VASH2: variants seen among roughly 807,000 people sequenced by gnomAD.
VASH2 encodes the protein tubulinyl-Tyr carboxypeptidase 2.
VASH2 carries 28 observed loss-of-function variants against 37.2 expected under a neutral mutation model. The ratio of observed to expected loss-of-function variants is 0.75; its 90% CI spans 0.56 to 1.03. The LOEUF is 1.03. Ranked by LOEUF, VASH2 falls within the 50% of genes least tolerant of loss-of-function variation. VASH2 has a pLI of 0.00. For synonymous variants in VASH2, 188 were observed against 174.7 expected (o/e 1.08, Z -0.60); for missense variants, 419 against 459.1 (o/e 0.91, Z 0.80).
chr1:212,973,674 A>G (rs1667079241), intron 6 of VASH2: 2 of 1,255,804 alleles, frequency 1.6e-6, no homozygotes, highest in Admixed American at 6.7e-5. Context: ...CCCCGGGGAG[A>G]CTGAGGCATT....
intron 2 of VASH2, among the ~76,000 whole-genome samples, chr1:212,956,166 C>G (rs1666482634): frequency 6.6e-6 from 1 of 152,256 alleles, no homozygotes; most frequent in Non-Finnish European, 1.5e-5. Context: ...AGTTACACAA[C>G]TGTCCATCCG....
chr1:212,965,850 C>T, intron 4 of VASH2, 72 bp downstream of exon 4: 2 of 1,419,774 alleles, frequency 1.4e-6, no homozygotes, highest in Non-Finnish European at 1.9e-6. Flanking sequence ...CTCTCCCAAC[C>T]TCTATTCCCG....
At chr1:212,963,724 A>G (rs1379213177) in intron 3 of VASH2, among the ~76,000 whole-genome samples, 3 of 152,042 alleles carry the variant, frequency 2.0e-5, no homozygotes, top group African/African-American at 7.3e-5. Context: ...TCAGGGACTC[A>G]ATGATTAACT....
intron 4 of VASH2, chr1:212,966,020 G>A (rs1288571228): frequency 3.3e-5 from 20 of 599,870 alleles, no homozygotes; most frequent in Non-Finnish European, 5.6e-5. Flanking sequence ...TCTGCCTCTC[G>A]AGGCTTCATT....
intron 7 of VASH2, among the ~76,000 whole-genome samples, chr1:212,976,901 C>T (rs1667191026): frequency 6.6e-6 from 1 of 152,164 alleles, no homozygotes; most frequent in Non-Finnish European, 1.5e-5. Flanking sequence ...CCTTCTGTCG[C>T]GCATGTCCCG....
intron 7 of VASH2, 122 bp downstream of exon 7, chr1:212,974,192 G>T (rs1667107345): frequency 7.9e-7 from 1 of 1,265,832 alleles, no homozygotes; most frequent in Admixed American, 2.9e-5. Flanking sequence ...CAATCTCCAA[G>T]AGGACTGCCC....
At chr1:212,983,957 C>T (rs1203973406) in intron 7 of VASH2, among the ~76,000 whole-genome samples, 1 of 152,206 alleles carries the variant, frequency 6.6e-6, no homozygotes, top group African/African-American at 2.4e-5. Flanking sequence ...AATTCCCTAC[C>T]TTTCAGTACC....
In VASH2 at chr1:212,951,716, C is replaced by T. The variant is rs749455247; in HGVS notation, c.174C>T (p.Ile58=). The change falls in exon 2 of 8, where the codon ATC becomes ATT. Residue 58 remains isoleucine (I), a synonymous_variant. Coordinates refer to ENST00000517399, the MANE Select transcript of VASH2 (RefSeq NM_001301056.2). This position sits in a 1 kb window ranked among gnomAD's most constrained non-coding sequence, Gnocchi z 4.4. ...LFHVNKSGFP[I]DSHTWERMWM... ...ACGTCAACAAGAGCGGCTTCCCCATCGACAGCCACACCTGGGAGCGCATGT... is the reference window on the plus strand; with the variant it reads ...ACGTCAACAAGAGCGGCTTCCCCATTGACAGCCACACCTGGGAGCGCATGT... 3 of 1,604,224 alleles carry T rather than the reference C, an allele frequency of 1.9e-6. No individual in the cohort carries two copies. The highest frequency in any genetic ancestry group is 1.3e-5 in the African/African-American group (1 of 75,008).
At chr1:212,967,020 G>C (rs10779597) in intron 5 of VASH2, 27,880 of 1,023,424 alleles carry the variant, frequency 0.027, 536 homozygotes, top group South Asian at 0.06. Flanking sequence ...GTTGAGATTA[G>C]AGGCAGGAGC....
intron 5 of VASH2, among the ~76,000 whole-genome samples, chr1:212,969,668 C>T (rs887586561): frequency 6.6e-6 from 1 of 152,208 alleles, no homozygotes; most frequent in Non-Finnish European, 1.5e-5. Flanking sequence ...CCCAAACAGA[C>T]CTGGATTCTA....
chr1:212,977,890 G>A (rs1667225232), intron 7 of VASH2, among the ~76,000 whole-genome samples: 1 of 152,212 alleles, frequency 6.6e-6, no homozygotes, highest in African/African-American at 2.4e-5. Context: ...GTTTGCTTCA[G>A]CCGCAGGCCT....
intron 2 of VASH2, among the ~76,000 whole-genome samples, chr1:212,959,780 C>T (rs1666614397): frequency 6.6e-6 from 1 of 152,216 alleles, no homozygotes; most frequent in African/African-American, 2.4e-5. Flanking sequence ...CAGGGCCATC[C>T]CTGCACCTCC....
chr1:212,978,938 T>C (rs752768822), intron 7 of VASH2, among the ~76,000 whole-genome samples: 8 of 152,210 alleles, frequency 5.3e-5, no homozygotes, highest in Non-Finnish European at 1.2e-4. Flanking sequence ...ATTGAGGTGT[T>C]TGAGGAGGGA....
chr1:212,968,941 C>G, intron 5 of VASH2: 1 of 985,444 alleles, frequency 1.0e-6, no homozygotes, highest in Non-Finnish European at 1.2e-6. Context: ...AGTCTCATCC[C>G]TGCACAATTT....
chr1:212,958,967 G>A (rs1196585039), intron 2 of VASH2, among the ~76,000 whole-genome samples: 5 of 151,870 alleles, frequency 3.3e-5, no homozygotes, highest in South Asian at 2.1e-4. Context: ...GGGCTCAAGC[G>A]ATCTGCCCAC....
chr1:212,986,851 A>AT (rs1278284960), intron 7 of VASH2, among the ~76,000 whole-genome samples: 1 of 152,242 alleles, frequency 6.6e-6, no homozygotes, highest in Non-Finnish European at 1.5e-5. Context: ...AATAAGAGGC[A>AT]TAATTCCTGA....
intron 2 of VASH2, among the ~76,000 whole-genome samples, chr1:212,957,254 C>T (rs1004267083): frequency 2.6e-5 from 4 of 152,204 alleles, no homozygotes; most frequent in African/African-American, 7.2e-5. Context: ...TCGTATATTC[C>T]GTGGTGCGCC....
intron 5 of VASH2, chr1:212,967,288 A>G: frequency 7.9e-7 from 1 of 1,267,574 alleles, no homozygotes; most frequent in Admixed American, 2.3e-5. Flanking sequence ...GCACAATTTT[A>G]TACATTCGAG....
At chr1:212,974,193 A>T (rs1667107407) in intron 7 of VASH2, 123 bp downstream of exon 7, 1 of 1,255,586 alleles carries the variant, frequency 8.0e-7, no homozygotes, top group Admixed American at 2.9e-5. Flanking sequence ...AATCTCCAAG[A>T]GGACTGCCCC....
Sources: gnomAD v4.1 joint callset for allele counts (sites outside exome capture counted in the v4.1 genomes callset) on GRCh38, gnomAD v4.1.1 for gene constraint, Gnocchi (gnomAD v3.1) non-coding constraint, MANE v1.5 for transcripts, NCBI Gene and HGNC (gene_info 2026-07-23, HGNC 2026-07-21) for gene names.